The following ZNF514 variants were observed in gnomAD, a reference collection of about 807,000 sequenced individuals.
ZNF514 encodes zinc finger protein 514.
Under a neutral mutation model 9.7 loss-of-function variants are expected in ZNF514, and 12 were observed. That is an observed-to-expected ratio of 1.24 (90% CI 0.79 to 2.01). The LOEUF is 2.01. Ranked by LOEUF, ZNF514 falls within the 30% of genes most tolerant of loss-of-function variation. The probability of loss-of-function intolerance (pLI) is 0.00; values close to 1 mark genes in which losing one functional copy is unlikely to be tolerated. For synonymous variants in ZNF514, 158 were observed against 163.7 expected (o/e 0.97, Z 0.27); for missense variants, 467 against 465.5 (o/e 1.00, Z -0.03).
At chr2:95,153,519 T>C (rs1673600791) in intron 2 of ZNF514, 2 of 284,010 alleles carry the variant, frequency 7.0e-6, no homozygotes, top group Non-Finnish European at 1.3e-5. Flanking sequence ...AATAAAGTAT[T>C]TTTGAAACTT....
downstream of ZNF514, among the ~76,000 whole-genome samples, chr2:95,143,438 T>C (rs1242779557): frequency 6.6e-6 from 1 of 151,936 alleles, no homozygotes; most frequent in Non-Finnish European, 1.5e-5. Context: ...CTGACCAACA[T>C]GGAGAAACCC....
At chr2:95,154,996 C>T (rs1673651594) in intron 2 of ZNF514, 1 of 152,060 alleles carries the variant, frequency 6.6e-6, no homozygotes, top group Non-Finnish European at 1.5e-5. Flanking sequence ...CAAGGAAATC[C>T]AAAAACTCCA....
At chr2:95,131,585 C>G in the ZNF514 span, among the ~76,000 whole-genome samples, 3 of 152,164 alleles carry the variant, frequency 2.0e-5, no homozygotes, top group Non-Finnish European at 4.4e-5. Flanking sequence ...GTTCAGCCAT[C>G]CCCAAACCCC....
At position 95,152,736 on chromosome 2, in the gene ZNF514, T is replaced by A; in HGVS notation, c.155A>T (p.Gln52Leu). ...GAAGGGCTCACCCCCTTCCTCCAAC[T>A]GGCAGATCACATATGGTTTGGATAC... ...LLVSKPYVIC[Q>L]LEEGGEPFMV... Residue 52 changes from glutamine (Q) to leucine (L), a missense_variant, in exon 4 of 5, where the codon CAG (glutamine) becomes CTG (leucine). Gln to Leu is a moderately radical substitution (Grantham distance 113). Transcript: ENST00000295208. 1.9e-6 allele frequency: 3 copies of A among 1,614,154 alleles called. No homozygotes were observed. Among genetic ancestry groups the A allele is most frequent in the Non-Finnish European group, 2.5e-6 (3 of 1,180,024 alleles).
chr2:95,149,394 C>A lies in ZNF514; in HGVS notation c.1091G>T (p.Arg364Ile). The A allele has an allele frequency of 6.2e-7, 1 of 1,614,212 alleles. No individual in the cohort carries two copies. Among genetic ancestry groups the A allele is most frequent in the South Asian group, 1.1e-5 (1 of 91,080 alleles). ...GTAGGGTTTCTCTCCAGTGTGAAAT[C>A]TGTAATGTTGAGTGAGAGATGAACT... is the stretch of plus-strand genomic sequence containing the variant. ...SQSSSLTQHY[R>I]FHTGEKPYKC... The change falls in exon 5 of 5, where the codon AGA (arginine) becomes ATA (isoleucine). Residue 364 changes from arginine to isoleucine, a missense_variant. By Grantham distance (97) the Arg-to-Ile change is moderately conservative (BLOSUM62 -3). Coordinates refer to ENST00000295208, the MANE Select transcript of ZNF514 (RefSeq NM_032788.3).
At chr2:95,133,065 A>G in the ZNF514 span, among the ~76,000 whole-genome samples, 28 of 152,292 alleles carry the variant, frequency 1.8e-4, 1 homozygote, top group African/African-American at 6.5e-4. Context: ...GTGAATGGTT[A>G]AACGCACTCT....
rs1673370807 is a variant in ZNF514, at chr2:95,146,774, G to T, written c.*2508C>A. 6.6e-6 allele frequency among the ~76,000 whole-genome samples: 1 copy of T among 151,852 alleles called. No individual in the cohort carries two copies. On this transcript the variant is annotated 3_prime_UTR_variant, in exon 5 of 5. Coordinates refer to ENST00000295208, the MANE Select transcript of ZNF514 (RefSeq NM_032788.3). ...TTACAAAATTGTGACAGATGTCTAG[G>T]TATAAAGTGATCTGGGTAGGTACAG...
At chr2:95,150,436 G>C (rs1673507698) in intron 4 of ZNF514, among the ~76,000 whole-genome samples, 169 bp from the exon 5 acceptor site, 1 of 152,136 alleles carries the variant, frequency 6.6e-6, no homozygotes, top group Non-Finnish European at 1.5e-5. Context: ...GATGGTTTTG[G>C]AGTATCAAGA....
chr2:95,153,091 C>A, intron 3 of ZNF514, 42 bp downstream of exon 3: 1 of 1,585,258 alleles, frequency 6.3e-7, no homozygotes, highest in South Asian at 1.1e-5. Context: ...TCAAGGAAAT[C>A]AAGAAGTCCT....
rs1197093654 is a variant in ZNF514, at chr2:95,159,660, CCCGCCCGCCACCCCGCGCCA to C, written c.-536_-517del. ...CCCCGCCCGCCACCCCGCGCCAGCC[CCCGCCCGCCACCCCGCGCCA>C]GCCCCCGCGTCCGCCCCGCGCCAGC... On this transcript the variant is annotated 5_prime_UTR_variant, in exon 1 of 5. Transcript: ENST00000295208. The C allele has an allele frequency of 6.4e-5, 7 of 109,182 alleles. No homozygotes were observed. The highest frequency in any genetic ancestry group is 1.3e-4 in the Non-Finnish European group (7 of 53,440). The allele number at this position is 109,182 out of a possible 1,614,324, so 6.8% of individuals were successfully genotyped here. A position where few individuals can be genotyped will look rare whatever the true frequency, so the allele number is the denominator to read the frequency against.
chr2:95,124,180 C>T, the ZNF514 span, among the ~76,000 whole-genome samples: 1 of 152,204 alleles, frequency 6.6e-6, no homozygotes, highest in East Asian at 1.9e-4. Context: ...CATCTCCCTT[C>T]GAGTCAAACC....
At chr2:95,125,176 G>C in the ZNF514 span, among the ~76,000 whole-genome samples, 1 of 150,834 alleles carries the variant, frequency 6.6e-6, no homozygotes, top group Non-Finnish European at 1.5e-5. Context: ...ACTGTGCCCA[G>C]CCAGAAATTT....
At chr2:95,128,338 T>C in the ZNF514 span, among the ~76,000 whole-genome samples, 1 of 147,102 alleles carries the variant, frequency 6.8e-6, no homozygotes, top group Non-Finnish European at 1.5e-5. Context: ...TGCAGTGAGC[T>C]GAGATCCCAC....
chr2:95,134,926 C>T, the ZNF514 span, among the ~76,000 whole-genome samples: 167 of 152,198 alleles, frequency 1.1e-3, 1 homozygote, highest in African/African-American at 3.9e-3. Flanking sequence ...TTTCTGAGCT[C>T]AAAATTCTAT....
downstream of ZNF514, among the ~76,000 whole-genome samples, chr2:95,142,832 C>T (rs865910566): frequency 6.6e-6 from 1 of 152,190 alleles, no homozygotes; most frequent in South Asian, 2.1e-4. Flanking sequence ...CTAACTCTGG[C>T]CGAAGTTATG....
At chr2:95,124,136 A>G in the ZNF514 span, among the ~76,000 whole-genome samples, 1 of 152,168 alleles carries the variant, frequency 6.6e-6, no homozygotes, top group Non-Finnish European at 1.5e-5. Flanking sequence ...CACAATCGAG[A>G]TACAGAACTG....
Position 95,145,104 on chromosome 2 carries a change from TAA to T in ZNF514, c.*4176_*4177del, listed in dbSNP as rs1673326963. Among the ~76,000 whole-genome samples, 1 of 152,004 alleles carries T rather than the reference TAA, an allele frequency of 6.6e-6. No homozygotes were observed. Among genetic ancestry groups the T allele is most frequent in the Non-Finnish European group, 1.5e-5 (1 of 68,024 alleles). ...GAAGCACTGAGAAAACTGGGCAACA[TAA>T]GAGAAGCATGAGATGTGACATGAAG... On this transcript the variant is annotated 3_prime_UTR_variant, in exon 5 of 5. Transcript: ENST00000295208.
In ZNF514 at chr2:95,149,113, A is replaced by AC. The variant is rs952014657; in HGVS notation, c.*168dup. 1.2e-6 allele frequency: 1 copy of AC among 813,950 alleles called. No homozygotes were observed. The highest frequency in any genetic ancestry group is 1.7e-5 in the African/African-American group (1 of 57,924). 50.4% of individuals were successfully genotyped at this position (813,950 alleles called of 1,614,324 possible). ...ATGTTTGGTAAGAGAGGGGAAGCCC[A>AC]CCCCCTCTTGACATTGACAGGGATT... On this transcript the variant is annotated 3_prime_UTR_variant, in exon 5 of 5. Coordinates refer to ENST00000295208, the MANE Select transcript of ZNF514 (RefSeq NM_032788.3).
At chr2:95,159,111 TC>T (rs1573384510) in intron 1 of ZNF514, 128 bp downstream of exon 1, 1 of 1,011,194 alleles carries the variant, frequency 9.9e-7, no homozygotes, top group Non-Finnish European at 1.3e-6. Flanking sequence ...ACACGGGGCA[TC>T]CCCACTAGGC....
Sources: allele counts gnomAD v4.1 joint callset (sites outside exome capture counted in the v4.1 genomes callset), GRCh38; gene constraint gnomAD v4.1.1; transcripts MANE v1.5; gene names NCBI Gene and HGNC (gene_info 2026-07-23, HGNC 2026-07-21).